Variants in RBBP6 observed in about 807,000 individuals in gnomAD.
RBBP6 encodes the protein E3 ubiquitin-protein ligase RBBP6.
Under a neutral mutation model 167.7 loss-of-function variants are expected in RBBP6, and 25 were observed. That is an observed-to-expected ratio of 0.15 (90% CI 0.11 to 0.21). The LOEUF is 0.21. Among genes scored for constraint, RBBP6 ranks in the 10% least tolerant of loss-of-function variants. The probability of loss-of-function intolerance (pLI) is 1.00; values close to 1 mark genes in which losing one functional copy is unlikely to be tolerated. For synonymous variants in RBBP6, 789 were observed against 735.8 expected (o/e 1.07, Z -1.17); for missense variants, 1,868 against 2,134.2 (o/e 0.88, Z 2.46).
chr16:24,555,346 A>G (rs1898888527), intron 4 of RBBP6: 1 of 275,722 alleles, frequency 3.6e-6, no homozygotes, highest in East Asian at 6.7e-5. Flanking sequence ...ACTTGTAGAA[A>G]AGTAGTATGC....
Position 24,570,029 on chromosome 16 carries a change from C to G in RBBP6, c.3339C>G (p.Asp1113Glu), listed in dbSNP as rs1309162980. ...KPVKEEKVKKDYSKDVKSEKL... is the reference protein window; with the variant it reads ...KPVKEEKVKKEYSKDVKSEKL... ...TCAAAGAGGAAAAAGTGAAGAAGGA[C>G]TATTCCAAAGATGTCAAATCAGAAA... is the stretch of plus-strand genomic sequence containing the variant. The change falls in exon 17 of 18, where the codon GAC becomes GAG. Residue 1113 changes from aspartate to glutamate, a missense_variant. Transcript: ENST00000319715. 6.8e-6 allele frequency: 11 copies of G among 1,605,986 alleles called. No individual in the cohort carries two copies. Among genetic ancestry groups the G allele is most frequent in the Admixed American group, 3.5e-5 (2 of 57,908 alleles).
chr16:24,559,826 G>C lies in RBBP6; in HGVS notation c.847+149G>C, dbSNP rs1051217075. 4 of 618,606 alleles carry C rather than the reference G, an allele frequency of 6.5e-6. No homozygotes were observed. The African/African-American group carries it at 7.7e-5, about 12-fold the overall frequency. 38.3% of individuals were successfully genotyped at this position (618,606 alleles called of 1,614,324 possible). On this transcript the variant is annotated intron_variant, in intron 8 of 17. Coordinates refer to ENST00000319715, the MANE Select transcript of RBBP6 (RefSeq NM_006910.5). ...ATGAGCATTAAGTAGTGAGAAGTCTGTTTTTCTTGCTGTATCTTTTTTAAA... is the reference window on the plus strand; with the variant it reads ...ATGAGCATTAAGTAGTGAGAAGTCTCTTTTTCTTGCTGTATCTTTTTTAAA...
chr16:24,546,118 C>T, intron 1 of RBBP6, 45 bp from the exon 2 acceptor site: 1 of 1,533,290 alleles, frequency 6.5e-7, no homozygotes, highest in Non-Finnish European at 8.7e-7. Flanking sequence ...TGGTTACGCA[C>T]TCAAATCCCC....
Position 24,568,902 on chromosome 16 carries a change from A to G in RBBP6, c.2212A>G (p.Arg738Gly), listed in dbSNP as rs1899256887. ...SRSPPYPRRG[R>G]GKSRNYRSRS... ...GTCACCTCCATACCCCAGAAGAGGC[A>G]GAGGCAAGAGCCGCAATTACCGTTC... The change falls in exon 17 of 18, where the codon AGA becomes GGA. Residue 738 changes from arginine (R) to glycine (G), a missense_variant. This residue lies in a region of RBBP6 where 673 missense variants were observed against 691.5 expected (regional missense o/e 0.97). Transcript: ENST00000319715. The G allele has an allele frequency of 2.5e-6, 4 of 1,614,266 alleles. No homozygotes were observed. Among genetic ancestry groups the G allele is most frequent in the Non-Finnish European group, 3.4e-6 (4 of 1,180,044 alleles).
At position 24,570,178 on chromosome 16, in the gene RBBP6, C is replaced by T; in HGVS notation, c.3488C>T (p.Ser1163Phe). 1 of 1,600,836 alleles carries T rather than the reference C, an allele frequency of 6.2e-7. No individual in the cohort carries two copies. Residue 1163 changes from serine to phenylalanine, a missense_variant, in exon 17 of 18, where the codon TCT (serine) becomes TTT (phenylalanine). Around this residue, in one of 7 missense-constraint regions of RBBP6, gnomAD observed 673 missense variants for 691.5 expected, o/e 0.97. Transcript: ENST00000319715. ...EKGVDKDFES[S>F]SMKISKLEVT... ...GGCGTAGATAAAGATTTTGAGTCTT[C>T]TTCAATGAAAATCTCGAAACTAGAA... is the stretch of plus-strand genomic sequence containing the variant.
chr16:24,549,220 A>G, intron 3 of RBBP6: 2 of 1,407,570 alleles, frequency 1.4e-6, no homozygotes, highest in South Asian at 3.2e-5. Context: ...ATATGATAGC[A>G]TTATCCCTGT....
chr16:24,570,335 TG>T lies in RBBP6; in HGVS notation c.3648del (p.Lys1217ArgfsTer39). On this transcript the variant is annotated frameshift_variant, in exon 17 of 18. Transcript: ENST00000319715. LOFTEE classifies it high-confidence loss of function. ...AAAAAATCAAACTCAACAGAGAAACTGGGAAGAAAATTGGAAGTACAGAAAA... is the reference window on the plus strand; with the variant it reads ...AAAAAATCAAACTCAACAGAGAAACTGGAAGAAAATTGGAAGTACAGAAAA... ...AKKIKLNRET[G>X]KKIGSTENIS... 1 of 1,611,942 alleles carries T rather than the reference TG, an allele frequency of 6.2e-7. No homozygotes were observed. Among genetic ancestry groups the T allele is most frequent in the Non-Finnish European group, 8.5e-7 (1 of 1,179,642 alleles).
chr16:24,555,587 G>A (rs766866208), intron 4 of RBBP6, 28 bp from the exon 5 acceptor site: 1 of 1,546,028 alleles, frequency 6.5e-7, no homozygotes. Flanking sequence ...TTTCTAATGT[G>A]TGTGTCAAAT....
intron 14 of RBBP6, 58 bp downstream of exon 14, chr16:24,564,923 C>T: frequency 6.5e-7 from 1 of 1,548,680 alleles, no homozygotes; most frequent in Non-Finnish European, 8.7e-7. Flanking sequence ...ATATATCTCA[C>T]CAAAGAAATT....
In RBBP6 at chr16:24,563,378, T is replaced by C. The variant is rs1199408154; in HGVS notation, c.1387-45T>C. 11 of 1,552,638 alleles carry C rather than the reference T, an allele frequency of 7.1e-6. No homozygotes were observed. In the East Asian group the frequency reaches 2.5e-4, roughly 35 times the overall value. Reference sequence around the variant, plus strand: ...TGGCTTTGTTCTTACCTCTTTTTTTTTTTTTTTTTTAACTATTTCTGTTTA... The same window carrying C: ...TGGCTTTGTTCTTACCTCTTTTTTTCTTTTTTTTTTAACTATTTCTGTTTA... On this transcript the variant is annotated intron_variant, in intron 11 of 17. Transcript: ENST00000319715.
chr16:24,545,592 C>G (rs1898624868), intron 1 of RBBP6, among the ~76,000 whole-genome samples: 1 of 151,938 alleles, frequency 6.6e-6, no homozygotes. Context: ...CAGTTTTTTT[C>G]CTGTATCTGG....
chr16:24,540,570 T>C lies in RBBP6; in HGVS notation c.-57T>C, dbSNP rs1898460210. The C allele has an allele frequency of 2.0e-6, 3 of 1,493,604 alleles. No homozygotes were observed. The highest frequency in any genetic ancestry group is 1.4e-5 in the African/African-American group (1 of 71,058). The allele number at this position is 1,493,604 out of a possible 1,614,324, so 92.5% of individuals were successfully genotyped here. A position where few individuals can be genotyped will look rare whatever the true frequency, so the allele number is the denominator to read the frequency against. On this transcript the variant is annotated 5_prime_UTR_variant, in exon 1 of 18. Transcript: ENST00000319715. Reference sequence around the variant, plus strand: ...ATTTTGCTCTTAAAGTTTATAAATATACGTATATTGAGAGTGTCCACGTCT... The same window carrying C: ...ATTTTGCTCTTAAAGTTTATAAATACACGTATATTGAGAGTGTCCACGTCT...
chr16:24,548,579 G>T (rs540742642), intron 2 of RBBP6, among the ~76,000 whole-genome samples: 1 of 152,038 alleles, frequency 6.6e-6, no homozygotes, highest in Non-Finnish European at 1.5e-5. Flanking sequence ...GAAAATTTAC[G>T]CATTCAGAAA....
chr16:24,559,729 C>T, intron 8 of RBBP6, 52 bp downstream of exon 8: 1 of 1,416,154 alleles, frequency 7.1e-7, no homozygotes, highest in Non-Finnish European at 9.4e-7. Context: ...TTTGTATTTA[C>T]TTGGAATGGC....
chr16:24,550,878 C>T (rs904613255), intron 3 of RBBP6, among the ~76,000 whole-genome samples: 3 of 151,814 alleles, frequency 2.0e-5, no homozygotes, highest in Non-Finnish European at 1.5e-5. Context: ...ATATATTCAT[C>T]AAGCATAATT....
rs563562596 is a variant in RBBP6 at position 24,546,490 on chromosome 16, C to T, written c.266+228C>T. ...AGGGCCATTATTAGGAAAAATTTTT[C>T]TCCATATGGCCAGTATTTACAGATA... On this transcript the variant is annotated intron_variant, in intron 2 of 17. Coordinates refer to ENST00000319715, the MANE Select transcript of RBBP6 (RefSeq NM_006910.5). 7.9e-5 allele frequency among the ~76,000 whole-genome samples: 12 copies of T among 152,272 alleles called. No homozygotes were observed. The South Asian group carries it at 1.9e-3, about 24-fold the overall frequency.
chr16:24,563,614 A>G lies in RBBP6; in HGVS notation c.1470A>G (p.Pro490=). 1 of 1,612,444 alleles carries G rather than the reference A, an allele frequency of 6.2e-7. No individual in the cohort carries two copies. Among genetic ancestry groups the G allele is most frequent in the Non-Finnish European group, 8.5e-7 (1 of 1,179,710 alleles). ...GCTTTTATTTTTTGTTTCTAGGTCC[A>G]GTAAGAATAAATACTGCTCGTCCAG... ...LHGQLIPTTG[P]VRINTARPGG... The change falls in exon 13 of 18, where the codon CCA becomes CCG. Residue 490 remains proline, a synonymous_variant. Coordinates refer to ENST00000319715, the MANE Select transcript of RBBP6 (RefSeq NM_006910.5).
At chr16:24,551,433 G>A (rs554395240) in intron 3 of RBBP6, among the ~76,000 whole-genome samples, 1 of 151,512 alleles carries the variant, frequency 6.6e-6, no homozygotes, top group East Asian at 1.9e-4. Flanking sequence ...GCTATATGTA[G>A]GAAACATTTG....
chr16:24,569,818 A>G lies in RBBP6; in HGVS notation c.3128A>G (p.Glu1043Gly). The change falls in exon 17 of 18, where the codon GAA becomes GGA. Residue 1043 changes from glutamate to glycine, a missense_variant. Physicochemically the swap from Glu to Gly is moderately conservative, Grantham distance 98. This residue lies in a region of RBBP6 where 673 missense variants were observed against 691.5 expected (regional missense o/e 0.97). Coordinates refer to ENST00000319715, the MANE Select transcript of RBBP6 (RefSeq NM_006910.5). ...GTAAAACCTGCTAAAGGACCCCAAG[A>G]AAAAGTAGATGGAGAACGTGAGAGA... ...NIVKPAKGPQ[E>G]KVDGERERSP... The G allele has an allele frequency of 6.2e-7, 1 of 1,611,824 alleles. No homozygotes were observed. The highest frequency in any genetic ancestry group is 8.5e-7 in the Non-Finnish European group (1 of 1,179,494).
Sources: allele counts gnomAD v4.1 joint callset (sites outside exome capture counted in the v4.1 genomes callset), GRCh38; gene constraint gnomAD v4.1.1; regional missense constraint gnomAD v4.1.1; transcripts MANE v1.5; gene names NCBI Gene and HGNC (gene_info 2026-07-23, HGNC 2026-07-21).